The following ZNF827 variants were observed in gnomAD, a reference collection of about 807,000 sequenced individuals.
The protein encoded by ZNF827 is zinc finger protein 827.
In ZNF827, 13 loss-of-function variants were observed where a neutral mutation model predicts 102.4. That is an observed-to-expected ratio of 0.13 (90% CI 0.08 to 0.20). The LOEUF (loss-of-function observed/expected upper bound fraction) is 0.20, where lower values mean the gene tolerates loss of function less well. Among genes scored for constraint, ZNF827 ranks in the 10% least tolerant of loss-of-function variants. ZNF827 has a pLI of 1.00. For missense variants in ZNF827, 1,103 were observed against 1,344.4 expected (o/e 0.82, Z 2.81); for synonymous variants, 523 against 536.2 (o/e 0.98, Z 0.34).
rs1214689802 is a variant in ZNF827, at chr4:145,767,215, A to G, written c.2861-1477T>C. Among the ~76,000 whole-genome samples the G allele has an allele frequency of 2.0e-5, 3 of 152,360 alleles. No homozygotes were observed. In the East Asian group the frequency reaches 5.8e-4, roughly 29 times the overall value. On this transcript the variant is annotated intron_variant, in intron 11 of 14. Coordinates refer to ENST00000508784, the MANE Select transcript of ZNF827 (RefSeq NM_001306215.2). ...AGTAGAGACATGGATGATATTAAAA[A>G]GATCTAAATAAAATTTCTACTGATG...
At chr4:145,922,586 T>G (rs776548363) in intron 1 of ZNF827, among the ~76,000 whole-genome samples, 1 of 152,252 alleles carries the variant, frequency 6.6e-6, no homozygotes, top group Non-Finnish European at 1.5e-5. Context: ...CATTGAAGAC[T>G]GACCCTTGAG....
chr4:145,775,967 G>A lies in ZNF827; in HGVS notation c.2522-7C>T. 6.2e-7 allele frequency: 1 copy of A among 1,614,120 alleles called. No homozygotes were observed. The highest frequency in any genetic ancestry group is 8.5e-7 in the Non-Finnish European group (1 of 1,180,016). ...CATTTGTATTTTCTTTCCTCTGGGG[G>A]AGAAGGAACAGGAAAAAGCCCAAAT... is the stretch of plus-strand genomic sequence containing the variant. On this transcript the variant is annotated splice_polypyrimidine_tract_variant and splice_region_variant and intron_variant, in intron 9 of 14. Coordinates refer to ENST00000508784, the MANE Select transcript of ZNF827 (RefSeq NM_001306215.2).
chr4:145,838,032 T>C (rs1745045890), intron 7 of ZNF827, among the ~76,000 whole-genome samples: 1 of 152,180 alleles, frequency 6.6e-6, no homozygotes, highest in Non-Finnish European at 1.5e-5. Context: ...TTTATTTTTC[T>C]TATTAATATA....
chr4:145,885,610 C>CAGAGAGACAG (rs1750039742), intron 4 of ZNF827, 68 bp downstream of exon 4: 1 of 1,103,048 alleles, frequency 9.1e-7, no homozygotes, highest in African/African-American at 1.8e-5. Context: ...TAGACAGAGA[C>CAGAGAGACAG]AGAGAGAGAG....
chr4:145,890,143 C>T (rs1175136193), intron 3 of ZNF827, among the ~76,000 whole-genome samples: 1 of 151,922 alleles, frequency 6.6e-6, no homozygotes, highest in Non-Finnish European at 1.5e-5. Context: ...ATCATGAATG[C>T]TTTGATTAAA....
chr4:145,869,457 A>T (rs1327897931), intron 5 of ZNF827, among the ~76,000 whole-genome samples: 4 of 152,248 alleles, frequency 2.6e-5, no homozygotes, highest in Non-Finnish European at 5.9e-5. Flanking sequence ...AATTCTGCTT[A>T]AGAGGTAATG....
At chr4:145,921,149 T>C (rs1753035455) in intron 1 of ZNF827, among the ~76,000 whole-genome samples, 1 of 151,886 alleles carries the variant, frequency 6.6e-6, no homozygotes, top group Non-Finnish European at 1.5e-5. Flanking sequence ...CATAAATGAG[T>C]TGAAGATATT....
chr4:145,852,069 T>C (rs550632038), intron 5 of ZNF827, among the ~76,000 whole-genome samples: 29 of 152,308 alleles, frequency 1.9e-4, no homozygotes, highest in Admixed American at 8.5e-4. Flanking sequence ...AGGTACATAA[T>C]GATGCGTCTG....
intron 8 of ZNF827, among the ~76,000 whole-genome samples, chr4:145,815,697 A>G (rs557991577): frequency 6.6e-6 from 1 of 152,378 alleles, no homozygotes; most frequent in South Asian, 2.1e-4. Context: ...AACATATTGT[A>G]TATACAGAAA....
At chr4:145,917,700 CAAAAAAAAAAAAA>C (rs763617063) in intron 1 of ZNF827, among the ~76,000 whole-genome samples, 13 of 46,852 alleles carry the variant, frequency 2.8e-4, no homozygotes, top group East Asian at 8.5e-4. Context: ...GGTAGCTGGT[CAAAAAAAAAAAAA>C]AAAAAAAAAA....
chr4:145,809,944 C>T (rs1741847449), intron 8 of ZNF827, among the ~76,000 whole-genome samples: 1 of 152,210 alleles, frequency 6.6e-6, no homozygotes, highest in African/African-American at 2.4e-5. Context: ...AAACTCTTTA[C>T]TGCAATAACA....
chr4:145,913,201 G>C (rs551550446), intron 1 of ZNF827, among the ~76,000 whole-genome samples: 1 of 152,100 alleles, frequency 6.6e-6, no homozygotes, highest in South Asian at 2.1e-4. Flanking sequence ...CAAGGCTGGC[G>C]GATCACTTGA....
intron 1 of ZNF827, among the ~76,000 whole-genome samples, chr4:145,919,975 A>G (rs567641327): frequency 5.2e-4 from 79 of 152,354 alleles, no homozygotes; most frequent in Non-Finnish European, 1.1e-3. Context: ...CCTGCTATAC[A>G]CTAGGCCCAC....
intron 6 of ZNF827, among the ~76,000 whole-genome samples, chr4:145,848,569 G>A (rs1462333403): frequency 1.3e-5 from 2 of 152,144 alleles, no homozygotes; most frequent in African/African-American, 2.4e-5. Context: ...CAAGGTATTT[G>A]TATGTATTTC....
At chr4:145,764,897 C>A in intron 13 of ZNF827, 91 bp downstream of exon 13, 1 of 1,589,162 alleles carries the variant, frequency 6.3e-7, no homozygotes, top group Non-Finnish European at 8.6e-7. Context: ...CTCCATGACT[C>A]CCAAAACCTT....
intron 4 of ZNF827, 21 bp downstream of exon 4, chr4:145,885,657 A>AGAGAGAGAGT (rs750341026): frequency 6.7e-7 from 1 of 1,489,200 alleles, no homozygotes; most frequent in African/African-American, 1.5e-5. Context: ...AGAGAGAGAG[A>AGAGAGAGAGT]ATACAACCCT....
chr4:145,785,977 C>G (rs1560921598), intron 8 of ZNF827, among the ~76,000 whole-genome samples: 1 of 152,100 alleles, frequency 6.6e-6, no homozygotes. Flanking sequence ...TGTAATATGT[C>G]AAAACTTACA....
rs1217865167 is a variant in ZNF827 at position 145,768,909 on chromosome 4, ATATAT to A, written c.2861-3176_2861-3172del. Among the ~76,000 whole-genome samples the A allele has an allele frequency of 1.9e-3, 80 of 41,976 alleles. 11 individuals carry two copies. The highest frequency in any genetic ancestry group is 3.5e-3 in the Non-Finnish European group (66 of 18,952). The allele number at this position is 41,976 out of a possible 152,430, so 27.5% of individuals were successfully genotyped here. A position where few individuals can be genotyped will look rare whatever the true frequency, so the allele number is the denominator to read the frequency against. Reference sequence around the variant, plus strand: ...AAAAAAAATATATATATATATATATATATATATTAGGTATACAAAGTTTGGAAATA... The same window carrying A: ...AAAAAAAATATATATATATATATATAATTAGGTATACAAAGTTTGGAAATA... On this transcript the variant is annotated intron_variant, in intron 11 of 14. Coordinates refer to ENST00000508784, the MANE Select transcript of ZNF827 (RefSeq NM_001306215.2).
intron 4 of ZNF827, among the ~76,000 whole-genome samples, chr4:145,878,737 A>AAGGG (rs1007982823): frequency 6.8e-6 from 1 of 147,902 alleles, no homozygotes; most frequent in Admixed American, 6.8e-5. Flanking sequence ...GAGAGAGAGG[A>AAGGG]AGGGAGGAAG....
Sources: gnomAD v4.1 joint callset for allele counts (sites outside exome capture counted in the v4.1 genomes callset) on GRCh38, gnomAD v4.1.1 for gene constraint, MANE v1.5 for transcripts, NCBI Gene and HGNC (gene_info 2026-07-23, HGNC 2026-07-21) for gene names.